Variants in CLMP observed in about 807,000 individuals in gnomAD.
CLMP encodes CXADR like cell adhesion molecule.
A neutral mutation model predicts 45.2 loss-of-function variants in CLMP; 27 were observed. The observed-to-expected ratio is 0.60, with a 90% CI of 0.44 to 0.82. CLMP has a LOEUF of 0.82. Among genes scored for constraint, CLMP ranks in the 40% least tolerant of loss-of-function variants. The probability of loss-of-function intolerance (pLI) is 0.00; values close to 1 mark genes in which losing one functional copy is unlikely to be tolerated. For synonymous variants in CLMP, 167 were observed against 171.4 expected, an observed-to-expected ratio of 0.97 and a Z score of 0.20; for missense variants, 403 against 448.4, an observed-to-expected ratio of 0.90 and a Z score of 0.91.
chr11:123,143,858 G>C (rs1861200295), intron 1 of CLMP, among the ~76,000 whole-genome samples: 1 of 151,594 alleles, frequency 6.6e-6, no homozygotes, highest in Admixed American at 6.6e-5. Context: ...ACTCAGGCTG[G>C]AGTACAGTGG....
intron 5 of CLMP, among the ~76,000 whole-genome samples, chr11:123,078,179 T>G (rs1325553744): frequency 6.6e-6 from 1 of 152,254 alleles, no homozygotes; most frequent in African/African-American, 2.4e-5. Flanking sequence ...AAAAGATAAA[T>G]TCACAGAAAT....
chr11:123,093,433 G>A (rs1479936825), intron 2 of CLMP, among the ~76,000 whole-genome samples: 2 of 151,488 alleles, frequency 1.3e-5, no homozygotes, highest in African/African-American at 2.4e-5. Flanking sequence ...TGTGACCTCC[G>A]CCTCACAGGT....
chr11:123,161,675 A>T (rs553272989), intron 1 of CLMP, among the ~76,000 whole-genome samples: 7 of 152,218 alleles, frequency 4.6e-5, no homozygotes, highest in African/African-American at 1.7e-4. Context: ...ATTCTGTCTC[A>T]AAATAAATAA....
At chr11:123,083,550 A>G (rs1416697939) in intron 4 of CLMP, 130 bp downstream of exon 4, 22 of 893,174 alleles carry the variant, frequency 2.5e-5, no homozygotes, top group Non-Finnish European at 4.0e-5. Flanking sequence ...AATGGATTTT[A>G]AAAATGGCAG....
intron 1 of CLMP, among the ~76,000 whole-genome samples, chr11:123,165,437 T>C (rs943167332): frequency 6.3e-4 from 96 of 152,320 alleles, no homozygotes; most frequent in African/African-American, 2.2e-3. Flanking sequence ...CAGTATCTGG[T>C]ACCTACCGCA....
At position 123,150,533 on chromosome 11, in the gene CLMP, AAAC is replaced by A. The variant is rs752162202; in HGVS notation, c.28+44377_28+44379del. Among the ~76,000 whole-genome samples the A allele has an allele frequency of 4.8e-3, 549 of 113,620 alleles. 10 individuals carry two copies. The highest frequency in any genetic ancestry group is 0.011 in the African/African-American group (309 of 28,182). 74.5% of individuals were successfully genotyped at this position (113,620 alleles called of 152,430 possible). ...GAAGGAAGGAAGGAAGGAAGGAAAGAAACAAGCAAGGAAGGAAGGAAGGAAGGA... is the reference window on the plus strand; with the variant it reads ...GAAGGAAGGAAGGAAGGAAGGAAAGAAAGCAAGGAAGGAAGGAAGGAAGGA... On this transcript the variant is annotated intron_variant, in intron 1 of 6. Coordinates refer to ENST00000448775, the MANE Select transcript of CLMP (RefSeq NM_024769.5).
intron 1 of CLMP, among the ~76,000 whole-genome samples, chr11:123,168,951 A>G (rs1861594566): frequency 6.6e-6 from 1 of 152,136 alleles, no homozygotes; most frequent in Admixed American, 6.5e-5. Context: ...ATTGGGGCAT[A>G]TGAGAGGGTA....
At chr11:123,129,503 A>T (rs1324525914) in intron 1 of CLMP, among the ~76,000 whole-genome samples, 2 of 141,732 alleles carry the variant, frequency 1.4e-5, no homozygotes, top group Non-Finnish European at 3.0e-5. Flanking sequence ...AATTTCAAAA[A>T]TTTCAAATAT....
At chr11:123,093,392 A>C (rs10892961) in intron 2 of CLMP, among the ~76,000 whole-genome samples, 1 of 151,678 alleles carries the variant, frequency 6.6e-6, no homozygotes, top group Admixed American at 6.6e-5. Context: ...TGTCACCCAG[A>C]CTGGAGTGCA....
chr11:123,106,382 G>GGTGTGTGTGTGTGTGTGT (rs539659160), intron 1 of CLMP, among the ~76,000 whole-genome samples: 1 of 135,204 alleles, frequency 7.4e-6, no homozygotes, highest in Non-Finnish European at 1.6e-5. Context: ...TTCTGTAGGA[G>GGTGTGTGTGTGTGTGTGT]GTGTGTGTGT....
intron 1 of CLMP, among the ~76,000 whole-genome samples, chr11:123,119,496 A>G (rs1860783589): frequency 6.6e-6 from 1 of 152,178 alleles, no homozygotes; most frequent in South Asian, 2.1e-4. Context: ...GTACTTTAAT[A>G]TCTAAGATGG....
intron 2 of CLMP, among the ~76,000 whole-genome samples, chr11:123,088,613 C>A (rs1249875675): frequency 2.0e-5 from 3 of 151,852 alleles, no homozygotes; most frequent in African/African-American, 7.3e-5. Context: ...TTTGGAATTT[C>A]TTTCTTGTTT....
intron 1 of CLMP, among the ~76,000 whole-genome samples, chr11:123,139,043 G>T (rs4345978): frequency 0.24 from 37,128 of 151,974 alleles, 4,676 homozygotes; most frequent in African/African-American, 0.3. Flanking sequence ...TAAGTTCCGT[G>T]TCTATAAATA....
At chr11:123,098,206 T>C (rs954880908) in intron 1 of CLMP, among the ~76,000 whole-genome samples, 2 of 152,164 alleles carry the variant, frequency 1.3e-5, no homozygotes, top group Admixed American at 6.6e-5. Flanking sequence ...ACTTGGTCTT[T>C]ATGAACAATG....
intron 1 of CLMP, among the ~76,000 whole-genome samples, chr11:123,128,778 G>A (rs1860938729): frequency 6.6e-6 from 1 of 152,074 alleles, no homozygotes; most frequent in South Asian, 2.1e-4. Context: ...AATATATAGA[G>A]GTGGGAAGAA....
chr11:123,128,809 A>G (rs1446777186), intron 1 of CLMP, among the ~76,000 whole-genome samples: 1 of 152,242 alleles, frequency 6.6e-6, no homozygotes, highest in Non-Finnish European at 1.5e-5. Context: ...CTTTTATACT[A>G]ATAGCTACTT....
chr11:123,149,463 C>T (rs1226584444), intron 1 of CLMP, among the ~76,000 whole-genome samples: 3 of 152,152 alleles, frequency 2.0e-5, no homozygotes, highest in African/African-American at 7.2e-5. Flanking sequence ...CAGAAATATA[C>T]CAGTCACCAT....
chr11:123,135,658 G>T (rs539159692), intron 1 of CLMP, among the ~76,000 whole-genome samples: 1 of 152,232 alleles, frequency 6.6e-6, no homozygotes, highest in East Asian at 1.9e-4. Flanking sequence ...ATCCAATGGT[G>T]ATATTTTATA....
chr11:123,157,700 G>A (rs187975906), intron 1 of CLMP, among the ~76,000 whole-genome samples: 1 of 135,700 alleles, frequency 7.4e-6, no homozygotes, highest in East Asian at 2.1e-4. Flanking sequence ...CTTCACTCTA[G>A]CCTGGGCAAA....
Sources: allele counts gnomAD v4.1 joint callset (sites outside exome capture counted in the v4.1 genomes callset), GRCh38; gene constraint gnomAD v4.1.1; transcripts MANE v1.5; gene names NCBI Gene and HGNC (gene_info 2026-07-23, HGNC 2026-07-21).